TMEM204: variants seen among roughly 807,000 people sequenced by gnomAD.
TMEM204 encodes transmembrane protein 204.
TMEM204 carries 15 observed loss-of-function variants against 19.4 expected under a neutral mutation model. That is an observed-to-expected ratio of 0.77 (90% confidence interval 0.52 to 1.19). TMEM204 has a LOEUF of 1.19. Among genes scored for constraint, TMEM204 ranks in the 50% most tolerant of loss-of-function variants. The pLI, the probability that TMEM204 is intolerant of heterozygous loss-of-function variation, is 0.00. For missense variants in TMEM204, 287 were observed against 321.2 expected, an observed-to-expected ratio of 0.89 and a Z score of 0.81; for synonymous variants, 161 against 146.0, an observed-to-expected ratio of 1.10 and a Z score of -0.74.
Position 1,553,879 on chromosome 16 carries a change from C to T in TMEM204, c.437-903C>T, listed in dbSNP as rs1011706779. 8 of 1,257,050 alleles carry T rather than the reference C, an allele frequency of 6.4e-6. No individual in the cohort carries two copies. Among genetic ancestry groups the T allele is most frequent in the African/African-American group, 3.1e-5 (2 of 64,738 alleles). The allele number at this position is 1,257,050 out of a possible 1,614,324, so 77.9% of individuals were successfully genotyped here. On this transcript the variant is annotated intron_variant, in intron 2 of 2. Transcript: ENST00000566264. This position sits in a 1 kb window ranked among gnomAD's most constrained non-coding sequence, Gnocchi z 4.4. ...TATCCTAGTTGGTAGACTCTAGTCA[C>T]GAAACCCTGATTTTCCTGTTGTAAG...
chr16:1,539,132 C>T (rs548555035), intron 1 of TMEM204, among the ~76,000 whole-genome samples: 66 of 144,132 alleles, frequency 4.6e-4, no homozygotes, highest in Non-Finnish European at 7.0e-4. Context: ...GAGTGCCAGA[C>T]GGCCCCACGC....
rs1450857972 is a variant in TMEM204, at chr16:1,540,870, G to A, written c.281-1051G>A. The A allele has an allele frequency of 3.0e-6, 3 of 985,306 alleles. No homozygotes were observed. In the African/African-American group the frequency reaches 5.2e-5, roughly 17 times the overall value. The allele number at this position is 985,306 out of a possible 1,614,324, so 61.0% of individuals were successfully genotyped here. On this transcript the variant is annotated intron_variant, in intron 1 of 2. Coordinates refer to ENST00000566264, the MANE Select transcript of TMEM204 (RefSeq NM_024600.6). ...GCGATGACAGGCTAGGGACTCTGTG[G>A]GGCTGTTGCTTCACATGCAGTCCCT... is the stretch of plus-strand genomic sequence containing the variant.
At chr16:1,540,522 C>G (rs764600640) in intron 1 of TMEM204, among the ~76,000 whole-genome samples, 8 of 152,232 alleles carry the variant, frequency 5.3e-5, no homozygotes, top group Non-Finnish European at 1.0e-4. Flanking sequence ...TCGGCCTCCA[C>G]CCAGGACACA....
At chr16:1,536,849 C>G (rs183748810) in intron 1 of TMEM204, among the ~76,000 whole-genome samples, 1 of 152,240 alleles carries the variant, frequency 6.6e-6, no homozygotes, top group Non-Finnish European at 1.5e-5. Context: ...CAGCAACATT[C>G]GCTGCCCCCA....
chr16:1,544,895 G>C lies in TMEM204; in HGVS notation c.436+2819G>C, dbSNP rs542049531. Among the ~76,000 whole-genome samples the C allele has an allele frequency of 5.3e-5, 8 of 151,100 alleles. No individual in the cohort carries two copies. In the South Asian group the frequency reaches 6.3e-4, roughly 12 times the overall value. On this transcript the variant is annotated intron_variant, in intron 2 of 2. Coordinates refer to ENST00000566264, the MANE Select transcript of TMEM204 (RefSeq NM_024600.6). ...GATCTCCTGACCTTGTGATCCGCCC[G>C]CCTCGGCCTCCCAAAGTGCTGGGAT...
chr16:1,549,457 G>A (rs1003704372), intron 2 of TMEM204, among the ~76,000 whole-genome samples: 13 of 152,196 alleles, frequency 8.5e-5, no homozygotes, highest in African/African-American at 2.4e-4. Context: ...ACTGGCTTTC[G>A]CTCTTGTTGC....
chr16:1,530,625 G>A (rs1337337582), upstream of TMEM204: 1 of 150,844 alleles, frequency 6.6e-6, no homozygotes, highest in Non-Finnish European at 1.5e-5. Context: ...ACAGGAATGT[G>A]GCAGCTGACT....
chr16:1,553,014 T>C lies in TMEM204; in HGVS notation c.437-1768T>C. On this transcript the variant is annotated intron_variant, in intron 2 of 2. Transcript: ENST00000566264. The surrounding 1 kb of genome is among the most constrained non-coding windows in gnomAD (Gnocchi z 4.4). ...AGCTACCCATGTATAAGAAGCTCCATGAAGTATTATAAAGAATGAACACAG... is the reference window on the plus strand; with the variant it reads ...AGCTACCCATGTATAAGAAGCTCCACGAAGTATTATAAAGAATGAACACAG... 1.0e-6 allele frequency: 1 copy of C among 985,360 alleles called. No individual in the cohort carries two copies. The highest frequency in any genetic ancestry group is 1.2e-6 in the Non-Finnish European group (1 of 829,906). 61.0% of individuals were successfully genotyped at this position (985,360 alleles called of 1,614,324 possible).
At chr16:1,549,723 C>G (rs939577388) in intron 2 of TMEM204, among the ~76,000 whole-genome samples, 3 of 152,190 alleles carry the variant, frequency 2.0e-5, no homozygotes, top group Non-Finnish European at 2.9e-5. Flanking sequence ...TGAGCCACCA[C>G]GCCTGGCCAC....
intron 1 of TMEM204, among the ~76,000 whole-genome samples, chr16:1,538,264 C>T (rs1225711982): frequency 1.3e-5 from 2 of 152,178 alleles, no homozygotes; most frequent in African/African-American, 4.8e-5. Flanking sequence ...ACGGCTGCTG[C>T]ACAGAGCCCC....
upstream of TMEM204, among the ~76,000 whole-genome samples, chr16:1,529,713 A>G (rs1567335321): frequency 6.6e-6 from 1 of 152,224 alleles, no homozygotes; most frequent in Non-Finnish European, 1.5e-5. Flanking sequence ...TTTCTCCTTT[A>G]TGCTGAGGTC....
intron 2 of TMEM204, chr16:1,554,193 T>G: frequency 8.3e-7 from 1 of 1,200,296 alleles, no homozygotes; most frequent in Non-Finnish European, 1.1e-6. Flanking sequence ...CTGCCTGAGC[T>G]GCAGACTCCA....
chr16:1,544,644 CTTTTTCTTT>C (rs1001305584), intron 2 of TMEM204, among the ~76,000 whole-genome samples: 4 of 151,612 alleles, frequency 2.6e-5, no homozygotes, highest in Non-Finnish European at 4.4e-5. Flanking sequence ...CACTGCATTT[CTTTTTCTTT>C]TTTTTCTTTT....
In TMEM204 at chr16:1,534,442, G is replaced by C; in HGVS notation, c.167G>C (p.Arg56Pro). The C allele has an allele frequency of 6.2e-7, 1 of 1,611,594 alleles. No homozygotes were observed. The highest frequency in any genetic ancestry group is 1.1e-5 in the South Asian group (1 of 91,036). Residue 56 changes from arginine to proline, a missense_variant, in exon 1 of 3, where the codon CGG becomes CCG. By Grantham distance (103) the Arg-to-Pro change is moderately radical. Transcript: ENST00000566264. The part of the protein sequence containing the change: ...WRSCWLVDRT[R>P]GGPSPGARAG... Reference sequence around the variant, plus strand: ...TCCTGCTGGCTGGTGGACAGGACCCGGGGAGGGCCGAGCCCTGGGGCCAGA... The same window carrying C: ...TCCTGCTGGCTGGTGGACAGGACCCCGGGAGGGCCGAGCCCTGGGGCCAGA...
chr16:1,541,297 G>T (rs984094474), intron 1 of TMEM204: 3 of 985,272 alleles, frequency 3.0e-6, no homozygotes, highest in African/African-American at 1.7e-5. Flanking sequence ...GCAGGTGGGG[G>T]GCACTGGTTC....
At chr16:1,530,133 CTTTTTTTT>C (rs922819138), upstream of TMEM204, among the ~76,000 whole-genome samples, 3 of 88,586 alleles carry the variant, frequency 3.4e-5, no homozygotes, top group Admixed American at 1.4e-4. Flanking sequence ...CGACGGGAAT[CTTTTTTTT>C]TTTTTTTTTT....
chr16:1,539,533 G>A (rs981310408), intron 1 of TMEM204, among the ~76,000 whole-genome samples: 4 of 152,388 alleles, frequency 2.6e-5, no homozygotes, highest in South Asian at 2.1e-4. Context: ...CTGTCCGTAC[G>A]GGAACCCCTT....
intron 2 of TMEM204, among the ~76,000 whole-genome samples, chr16:1,552,323 C>A (rs1173944381): frequency 6.6e-6 from 1 of 152,052 alleles, no homozygotes; most frequent in Non-Finnish European, 1.5e-5. Context: ...CTCCCACTGT[C>A]CCTGCCAAGA....
rs187055062 is a variant in TMEM204 at position 1,548,534 on chromosome 16, C to T, written c.437-6248C>T. ...GGGCAGAATTTCGTGTTTGCTAAAA[C>T]TCTTCCCTTACATTTGTTTCTAGAC... On this transcript the variant is annotated intron_variant, in intron 2 of 2. Coordinates refer to ENST00000566264, the MANE Select transcript of TMEM204 (RefSeq NM_024600.6). Among the ~76,000 whole-genome samples, 6 of 152,368 alleles carry T rather than the reference C, an allele frequency of 3.9e-5. No homozygotes were observed. The East Asian group carries it at 1.2e-3, about 29-fold the overall frequency.
Sources: gnomAD v4.1 joint callset for allele counts (sites outside exome capture counted in the v4.1 genomes callset) on GRCh38, gnomAD v4.1.1 for gene constraint, Gnocchi (gnomAD v3.1) non-coding constraint, MANE v1.5 for transcripts, NCBI Gene and HGNC (gene_info 2026-07-23, HGNC 2026-07-21) for gene names.